The following RORA variants were observed in gnomAD, a reference collection of about 807,000 sequenced individuals.
The protein encoded by RORA is nuclear receptor ROR-alpha.
In RORA, 7 loss-of-function variants were observed where a neutral mutation model predicts 69.5. That is an observed-to-expected ratio of 0.10 (90% CI 0.06 to 0.19). The LOEUF is 0.19. Among genes scored for constraint, RORA ranks in the 10% least tolerant of loss-of-function variants. The pLI is 1.00. For synonymous variants in RORA, 261 were observed against 240.8 expected (o/e 1.08, Z -0.78); for missense variants, 457 against 663.0 (o/e 0.69, Z 3.41).
Position 60,837,038 on chromosome 15 carries a change from C to CTTT in RORA, c.167-158355_167-158353dup, listed in dbSNP as rs35079716. The stretch of plus-strand genomic sequence containing the variant: ...ACAAAATTCATATTCATACCTTGAC[C>CTTT]TTTTTTTTTTTTTTGTAGATATGGG... On this transcript the variant is annotated intron_variant, in intron 1 of 10. Coordinates refer to ENST00000335670, the MANE Select transcript of RORA (RefSeq NM_134261.3). 4.9e-3 allele frequency among the ~76,000 whole-genome samples: 704 copies of CTTT among 142,996 alleles called. 6 individuals carry two copies. The highest frequency in any genetic ancestry group is 0.017 in the African/African-American group (655 of 39,004). The allele number at this position is 142,996 out of a possible 152,430, so 93.8% of individuals were successfully genotyped here.
intron 1 of RORA, chr15:60,841,096 A>AC: frequency 1.0e-6 from 1 of 985,116 alleles, no homozygotes; most frequent in Non-Finnish European, 1.2e-6. Flanking sequence ...CCCCGTGAGC[A>AC]TTTTTTCAGC....
In RORA at chr15:61,077,617, T is replaced by C. The variant is rs145796426; in HGVS notation, c.166+151436A>G. ...GAGAAGCCTACTGCCAACTACAAGC[T>C]GTTTGTAAACACTTCTCTCCATGTT... On this transcript the variant is annotated intron_variant, in intron 1 of 10. Transcript: ENST00000335670. 3.4e-3 allele frequency among the ~76,000 whole-genome samples: 519 copies of C among 152,308 alleles called. 3 individuals carry two copies. The highest frequency in any genetic ancestry group is 0.031 in the Middle Eastern group (9 of 294).
chr15:60,791,404 G>A (rs751505898), intron 1 of RORA, among the ~76,000 whole-genome samples: 16 of 152,304 alleles, frequency 1.1e-4, no homozygotes, highest in South Asian at 2.1e-4. Context: ...TCAAGGCAAT[G>A]GAATGCAGTC....
rs1555403815 is a variant in RORA, at chr15:61,033,419, C to CAAAAAAAAAAA, written c.166+195633_166+195634insTTTTTTTTTTT. On this transcript the variant is annotated intron_variant, in intron 1 of 10. Transcript: ENST00000335670. ...TATAGCTTTATTCTGAAAAAAAAAA[C>CAAAAAAAAAAA]AAAAACCAGTTTTGCTCTCAGTGGG... 1.7e-3 allele frequency among the ~76,000 whole-genome samples: 259 copies of CAAAAAAAAAAA among 150,634 alleles called. 2 individuals are homozygous for CAAAAAAAAAAA. Among genetic ancestry groups the CAAAAAAAAAAA allele is most frequent in the African/African-American group, 6.1e-3 (249 of 40,830 alleles).
At chr15:60,562,384 T>C (rs2067589110) in intron 2 of RORA, among the ~76,000 whole-genome samples, 2 of 150,678 alleles carry the variant, frequency 1.3e-5, no homozygotes, top group South Asian at 4.2e-4. Context: ...GACAGGCATG[T>C]GCCAATATGC....
intron 2 of RORA, chr15:60,593,035 G>T (rs73422100): frequency 0.019 from 8,271 of 441,004 alleles, 561 homozygotes; most frequent in African/African-American, 0.15. Flanking sequence ...AGCTCTAATC[G>T]GAAGGTACGG....
intron 2 of RORA, among the ~76,000 whole-genome samples, chr15:60,579,820 C>T (rs2068139134): frequency 6.6e-6 from 1 of 151,980 alleles, no homozygotes; most frequent in South Asian, 2.1e-4. Context: ...CTACATAATC[C>T]CCTATAGTTC....
intron 1 of RORA, among the ~76,000 whole-genome samples, chr15:61,010,930 T>G (rs1413689111): frequency 6.6e-6 from 1 of 152,182 alleles, no homozygotes; most frequent in East Asian, 1.9e-4. Context: ...AACTCTCAGA[T>G]TCCATGCATA....
At chr15:60,675,454 A>G (rs1030397195) in intron 2 of RORA, among the ~76,000 whole-genome samples, 10 of 152,250 alleles carry the variant, frequency 6.6e-5, no homozygotes, top group African/African-American at 2.4e-4. Flanking sequence ...AACATTTCCT[A>G]TCAACAATTG....
intron 2 of RORA, among the ~76,000 whole-genome samples, chr15:60,591,282 G>C (rs1200789916): frequency 3.9e-5 from 6 of 152,118 alleles, no homozygotes. Flanking sequence ...AGGAACCTGC[G>C]GGCGCACAAG....
intron 1 of RORA, among the ~76,000 whole-genome samples, chr15:61,057,887 T>C (rs1378579884): frequency 6.6e-6 from 1 of 152,150 alleles, no homozygotes; most frequent in Non-Finnish European, 1.5e-5. Context: ...AAAAGACCAC[T>C]ACGGATGGGG....
intron 1 of RORA, among the ~76,000 whole-genome samples, chr15:60,881,673 G>C (rs572058777): frequency 1.2e-4 from 19 of 152,198 alleles, no homozygotes; most frequent in Non-Finnish European, 2.6e-4. Context: ...GAAAGAGTTA[G>C]AAAACAGGGT....
chr15:60,502,881 G>A lies in RORA; in HGVS notation c.1076-14C>T, dbSNP rs1275566223. 1 of 1,570,666 alleles carries A rather than the reference G, an allele frequency of 6.4e-7. No homozygotes were observed. The highest frequency in any genetic ancestry group is 2.2e-5 in the East Asian group (1 of 44,680). ...CCTCTAGAGAACCTAAGCAGAGGCA[G>A]AAATGGTTTGGGTCATTTGGGTCAT... On this transcript the variant is annotated splice_polypyrimidine_tract_variant and intron_variant, in intron 7 of 10. Transcript: ENST00000335670.
chr15:60,912,407 T>C (rs1188403164), intron 1 of RORA, among the ~76,000 whole-genome samples: 2 of 150,146 alleles, frequency 1.3e-5, no homozygotes, highest in African/African-American at 2.5e-5. Context: ...GCCTGGGCAA[T>C]AGAGGGAGAC....
rs542729503 is a variant in RORA, at chr15:61,165,558, T to C, written c.166+63495A>G. Among the ~76,000 whole-genome samples, 3 of 152,304 alleles carry C rather than the reference T, an allele frequency of 2.0e-5. No homozygotes were observed. In the South Asian group the frequency reaches 6.2e-4, roughly 32 times the overall value. ...AAAGAAATTCCATTCTAAATGCCAATATGTAAAATAGATCAAAGGCTTGAT... is the reference window on the plus strand; with the variant it reads ...AAAGAAATTCCATTCTAAATGCCAACATGTAAAATAGATCAAAGGCTTGAT... On this transcript the variant is annotated intron_variant, in intron 1 of 10. Coordinates refer to ENST00000335670, the MANE Select transcript of RORA (RefSeq NM_134261.3).
At chr15:60,907,700 C>A (rs985076525) in intron 1 of RORA, among the ~76,000 whole-genome samples, 1 of 152,158 alleles carries the variant, frequency 6.6e-6, no homozygotes, top group Admixed American at 6.5e-5. Flanking sequence ...AGGATGCCCA[C>A]ATTTAGCGTT....
intron 5 of RORA, among the ~76,000 whole-genome samples, chr15:60,507,542 A>G (rs2065548982): frequency 6.6e-6 from 1 of 152,242 alleles, no homozygotes; most frequent in South Asian, 2.1e-4. Flanking sequence ...ATGTAAAGGA[A>G]AGAATGAGAA....
At chr15:60,833,893 C>T (rs753869833) in intron 1 of RORA, among the ~76,000 whole-genome samples, 7 of 152,126 alleles carry the variant, frequency 4.6e-5, no homozygotes, top group Admixed American at 1.3e-4. Flanking sequence ...TATAATGTGA[C>T]GGTGATTATA....
intron 1 of RORA, among the ~76,000 whole-genome samples, chr15:61,179,141 G>C (rs1156557703): frequency 6.6e-6 from 1 of 152,176 alleles, no homozygotes; most frequent in Non-Finnish European, 1.5e-5. Context: ...CCAGGATTCA[G>C]TATCTCCACT....
Sources: allele counts gnomAD v4.1 joint callset (sites outside exome capture counted in the v4.1 genomes callset), GRCh38; gene constraint gnomAD v4.1.1; transcripts MANE v1.5; gene names NCBI Gene and HGNC (gene_info 2026-07-23, HGNC 2026-07-21).